The following MAML2 variants were observed in gnomAD, a reference collection of about 807,000 sequenced individuals.
The protein encoded by MAML2 is mastermind-like protein 2.
MAML2 carries 22 observed loss-of-function variants against 96.1 expected under a neutral mutation model. That is an observed-to-expected ratio of 0.23 (90% CI 0.16 to 0.33). The LOEUF is 0.33. MAML2 is among the 10% of genes least tolerant of loss of function. The pLI is 1.00. For missense variants in MAML2, 1,367 were observed against 1,392.4 expected (o/e 0.98, Z 0.29); for synonymous variants, 561 against 521.3 (o/e 1.08, Z -1.04).
chr11:96,175,693 CT>C (rs1189086025), intron 1 of MAML2, among the ~76,000 whole-genome samples: 1 of 152,114 alleles, frequency 6.6e-6, no homozygotes, highest in African/African-American at 2.4e-5. Context: ...TGGGTTCAAG[CT>C]TTTCTCCTGC....
intron 1 of MAML2, among the ~76,000 whole-genome samples, chr11:96,232,341 C>T (rs935009673): frequency 2.0e-5 from 3 of 152,150 alleles, no homozygotes; most frequent in African/African-American, 7.2e-5. Flanking sequence ...AAAAGTGCTA[C>T]AGAAATTCCG....
At chr11:96,132,801 G>A (rs564014937) in intron 1 of MAML2, among the ~76,000 whole-genome samples, 1 of 152,228 alleles carries the variant, frequency 6.6e-6, no homozygotes, top group East Asian at 1.9e-4. Flanking sequence ...GGGTGTTCTG[G>A]ACTGCTGTAT....
chr11:96,251,696 G>A (rs892634862), intron 1 of MAML2, among the ~76,000 whole-genome samples: 2 of 150,698 alleles, frequency 1.3e-5, no homozygotes, highest in African/African-American at 2.4e-5. Flanking sequence ...TGTTGGAGAA[G>A]CATCAACAGA....
intron 1 of MAML2, among the ~76,000 whole-genome samples, chr11:96,303,420 T>C (rs762063790): frequency 2.0e-5 from 3 of 152,232 alleles, no homozygotes; most frequent in Non-Finnish European, 4.4e-5. Flanking sequence ...TATATAACAA[T>C]TTTCCTCATG....
chr11:96,001,047 AG>A (rs1480903210), intron 2 of MAML2, among the ~76,000 whole-genome samples: 3 of 152,214 alleles, frequency 2.0e-5, no homozygotes, highest in Admixed American at 6.5e-5. Flanking sequence ...TTACTTGCTC[AG>A]TACCTTCTCC....
intron 1 of MAML2, among the ~76,000 whole-genome samples, chr11:96,271,136 T>C (rs1455960853): frequency 1.3e-5 from 2 of 152,244 alleles, no homozygotes; most frequent in Non-Finnish European, 2.9e-5. Flanking sequence ...TTGGCTTCCT[T>C]ACCTTTGAGG....
At chr11:96,187,780 G>A (rs925720501) in intron 1 of MAML2, among the ~76,000 whole-genome samples, 3 of 138,914 alleles carry the variant, frequency 2.2e-5, no homozygotes, top group Admixed American at 1.5e-4. Context: ...GCGACAGAGT[G>A]AAACTCTGTC....
intron 1 of MAML2, among the ~76,000 whole-genome samples, chr11:96,322,940 A>T (rs1307608116): frequency 6.6e-6 from 1 of 152,158 alleles, no homozygotes; most frequent in Non-Finnish European, 1.5e-5. Context: ...CCTAGGCTTC[A>T]GGTTCTTTCG....
At chr11:96,003,199 G>A (rs1858125321) in intron 2 of MAML2, among the ~76,000 whole-genome samples, 1 of 152,072 alleles carries the variant, frequency 6.6e-6, no homozygotes, top group Non-Finnish European at 1.5e-5. Flanking sequence ...TGATGATAAG[G>A]ATGATGGGGA....
chr11:96,042,983 T>A (rs980344308), intron 2 of MAML2, among the ~76,000 whole-genome samples: 2 of 152,082 alleles, frequency 1.3e-5, no homozygotes, highest in African/African-American at 4.8e-5. Context: ...TGGCCTCAAG[T>A]GATCTTCCCG....
intron 1 of MAML2, among the ~76,000 whole-genome samples, chr11:96,196,463 G>C (rs2135926138): frequency 6.6e-6 from 1 of 152,322 alleles, no homozygotes; most frequent in African/African-American, 2.4e-5. Context: ...CGTGGATACA[G>C]AAAAGGAGAC....
intron 2 of MAML2, among the ~76,000 whole-genome samples, chr11:96,081,515 A>T (rs200316052): frequency 2.8e-4 from 25 of 90,376 alleles, no homozygotes; most frequent in Non-Finnish European, 5.9e-4. Flanking sequence ...TCATATATTT[A>T]AAAAAAAAAC....
In MAML2 at chr11:96,248,944, A is replaced by G. The variant is rs149929717; in HGVS notation, c.513+92439T>C. On this transcript the variant is annotated intron_variant, in intron 1 of 4. Coordinates refer to ENST00000524717, the MANE Select transcript of MAML2 (RefSeq NM_032427.4). ...AACTGTTTGTAGCTGGAAATTGACT[A>G]TGATGGGAATATTTCCACAGGGAAA... Among the ~76,000 whole-genome samples, 159 of 152,342 alleles carry G rather than the reference A, an allele frequency of 1.0e-3. 1 individual carries two copies. Among genetic ancestry groups the G allele is most frequent in the Middle Eastern group, 0.01 (3 of 294 alleles).
intron 2 of MAML2, among the ~76,000 whole-genome samples, chr11:96,080,597 C>T (rs543737398): frequency 2.0e-5 from 3 of 152,320 alleles, no homozygotes; most frequent in Middle Eastern, 3.4e-3. Context: ...TCTTGTGTTA[C>T]GTCTCTCATT....
chr11:96,331,705 C>A (rs1283224210), intron 1 of MAML2, among the ~76,000 whole-genome samples: 2 of 150,688 alleles, frequency 1.3e-5, no homozygotes, highest in Non-Finnish European at 3.0e-5. Context: ...GTAATCTCAG[C>A]TACTTAGGAG....
intron 1 of MAML2, among the ~76,000 whole-genome samples, chr11:96,279,272 T>C (rs1161616844): frequency 6.6e-6 from 1 of 152,170 alleles, no homozygotes; most frequent in Non-Finnish European, 1.5e-5. Context: ...CCACGGAGAC[T>C]GCACAGAGTG....
rs56407815 is a variant in MAML2, at chr11:96,275,269, ATTTTTTTTTTT to A, written c.513+66103_513+66113del. ...TTCTTCTTTATCCAAACACTAAGGA[ATTTTTTTTTTT>A]TTTTTTTTTTTTTTTGAGACAGAGT... On this transcript the variant is annotated intron_variant, in intron 1 of 4. Transcript: ENST00000524717. Among the ~76,000 whole-genome samples, 36 of 111,750 alleles carry A rather than the reference ATTTTTTTTTTT, an allele frequency of 3.2e-4. 2 individuals carry two copies. The South Asian group carries it at 0.01, about 32-fold the overall frequency. The allele number at this position is 111,750 out of a possible 152,430, so 73.3% of individuals were successfully genotyped here.
intron 1 of MAML2, among the ~76,000 whole-genome samples, chr11:96,291,757 C>A (rs1285484416): frequency 6.6e-6 from 1 of 152,212 alleles, no homozygotes; most frequent in Non-Finnish European, 1.5e-5. Flanking sequence ...CATACATCAT[C>A]TTTTTATTCA....
intron 1 of MAML2, among the ~76,000 whole-genome samples, chr11:96,312,643 G>A (rs1484847816): frequency 1.3e-5 from 2 of 152,144 alleles, no homozygotes; most frequent in African/African-American, 4.8e-5. Context: ...TAATATTCAG[G>A]CTATCCACTA....
Sources: gnomAD v4.1 joint callset for allele counts (sites outside exome capture counted in the v4.1 genomes callset) on GRCh38, gnomAD v4.1.1 for gene constraint, MANE v1.5 for transcripts, NCBI Gene and HGNC (gene_info 2026-07-23, HGNC 2026-07-21) for gene names.